Variants in ASTN2 observed in about 807,000 individuals in gnomAD.
ASTN2 encodes the protein astrotactin 2, also known as astrotactin-2.
Under a neutral mutation model 139.8 loss-of-function variants are expected in ASTN2, and 54 were observed. The observed-to-expected ratio is 0.39, with a 90% CI of 0.31 to 0.48. ASTN2 has a LOEUF of 0.48. Among genes scored for constraint, ASTN2 ranks in the 20% least tolerant of loss-of-function variants. The pLI, the probability that ASTN2 is intolerant of heterozygous loss-of-function variation, is 0.95. For synonymous variants in ASTN2, 756 were observed against 719.5 expected (o/e 1.05, Z -0.81); for missense variants, 1,565 against 1,725.1 (o/e 0.91, Z 1.64).
chr9:116,508,345 T>C (rs1257448574), intron 19 of ASTN2, among the ~76,000 whole-genome samples: 3 of 152,294 alleles, frequency 2.0e-5, no homozygotes, highest in South Asian at 2.1e-4. Context: ...AAGGTCAACA[T>C]TGTCATCACC....
Position 116,775,507 on chromosome 9 carries a change from GAGGA to G in ASTN2, c.2396+30121_2396+30124del, listed in dbSNP as rs569563039. Among the ~76,000 whole-genome samples the G allele has an allele frequency of 1.3e-3, 151 of 115,736 alleles. 1 individual carries two copies. The highest frequency in any genetic ancestry group is 2.9e-3 in the African/African-American group (88 of 29,858). The allele number at this position is 115,736 out of a possible 152,430, so 75.9% of individuals were successfully genotyped here. A position where few individuals can be genotyped will look rare whatever the true frequency, so the allele number is the denominator to read the frequency against. On this transcript the variant is annotated intron_variant, in intron 13 of 22. Transcript: ENST00000313400. ...GAAGGGAGGGAAGAAGGGAGGAAAA[GAGGA>G]AGGAAGGAAGGAAAAGAAAGGGGGC...
chr9:117,234,011 C>A (rs1040483218), intron 2 of ASTN2, among the ~76,000 whole-genome samples: 2 of 152,188 alleles, frequency 1.3e-5, no homozygotes, highest in South Asian at 4.1e-4. Flanking sequence ...TCTATTTAGA[C>A]CAATGACTCC....
chr9:116,650,529 C>A (rs957674919), intron 17 of ASTN2, among the ~76,000 whole-genome samples: 9 of 152,062 alleles, frequency 5.9e-5, no homozygotes, highest in Non-Finnish European at 1.0e-4. Context: ...TATGAAATTG[C>A]CATTTTATAA....
chr9:116,798,793 G>A (rs887092942), intron 13 of ASTN2, among the ~76,000 whole-genome samples: 2 of 152,198 alleles, frequency 1.3e-5, no homozygotes, highest in Non-Finnish European at 2.9e-5. Flanking sequence ...TCTTCTGTCA[G>A]TCCAGATTTC....
At chr9:116,875,819 G>C (rs1326130869) in intron 10 of ASTN2, among the ~76,000 whole-genome samples, 1 of 152,334 alleles carries the variant, frequency 6.6e-6, no homozygotes, top group South Asian at 2.1e-4. Context: ...AAGCCTGAAT[G>C]ACAGCACATC....
At chr9:116,709,332 CAGAGTGA>C (rs1481546006) in intron 16 of ASTN2, among the ~76,000 whole-genome samples, 2 of 152,200 alleles carry the variant, frequency 1.3e-5, no homozygotes, top group Non-Finnish European at 2.9e-5. Context: ...TTGCAATCAA[CAGAGTGA>C]AGAGTAAAGG....
chr9:116,445,358 T>C (rs992378114), intron 20 of ASTN2, among the ~76,000 whole-genome samples: 1 of 152,206 alleles, frequency 6.6e-6, no homozygotes, highest in African/African-American at 2.4e-5. Flanking sequence ...TTTTAAAAAA[T>C]GCTTTCTTGG....
At chr9:116,686,355 G>A (rs1564205728) in intron 16 of ASTN2, among the ~76,000 whole-genome samples, 1 of 152,302 alleles carries the variant, frequency 6.6e-6, no homozygotes, top group South Asian at 2.1e-4. Flanking sequence ...GCTGTAGCCA[G>A]ACAGCAAGTG....
At chr9:116,996,490 T>C (rs1837020131) in intron 7 of ASTN2, among the ~76,000 whole-genome samples, 1 of 152,042 alleles carries the variant, frequency 6.6e-6, no homozygotes. Flanking sequence ...CATAATGCAT[T>C]GGGGAAATAA....
rs1052718957 is a variant in ASTN2, at chr9:117,134,193, C to T, written c.1168+7133G>A. Among the ~76,000 whole-genome samples, 10 of 149,908 alleles carry T rather than the reference C, an allele frequency of 6.7e-5. No homozygotes were observed. In the Admixed American group the frequency reaches 6.7e-4, roughly 10 times the overall value. ...GCAGAGCAACGACCCATTAAGGCAACTAATTTAAAGTCGCTAATGTTTCTA... is the reference window on the plus strand; with the variant it reads ...GCAGAGCAACGACCCATTAAGGCAATTAATTTAAAGTCGCTAATGTTTCTA... On this transcript the variant is annotated intron_variant, in intron 4 of 22. Transcript: ENST00000313400.
intron 1 of ASTN2, among the ~76,000 whole-genome samples, chr9:117,346,905 T>A (rs189790082): frequency 3.3e-5 from 5 of 152,300 alleles, no homozygotes; most frequent in Admixed American, 2.6e-4. Flanking sequence ...AAGATTAAAC[T>A]GGAATACACA....
chr9:116,561,721 T>C (rs1221494824), intron 19 of ASTN2, among the ~76,000 whole-genome samples: 1 of 152,178 alleles, frequency 6.6e-6, no homozygotes, highest in African/African-American at 2.4e-5. Flanking sequence ...GCTGCATCTA[T>C]TACATACCAC....
intron 19 of ASTN2, among the ~76,000 whole-genome samples, chr9:116,553,805 T>C (rs1852465897): frequency 6.6e-6 from 1 of 152,178 alleles, no homozygotes; most frequent in Non-Finnish European, 1.5e-5. Context: ...AAAGTCAAAT[T>C]TGGGGTGAAC....
chr9:116,905,940 C>CT (rs1394579922), intron 10 of ASTN2, among the ~76,000 whole-genome samples: 4 of 150,908 alleles, frequency 2.7e-5, no homozygotes, highest in Admixed American at 2.6e-4. Flanking sequence ...GTGGAAAATG[C>CT]TTTCTCTGTC....
intron 17 of ASTN2, among the ~76,000 whole-genome samples, chr9:116,642,051 A>G (rs1405724641): frequency 6.9e-6 from 1 of 144,576 alleles, no homozygotes; most frequent in African/African-American, 2.6e-5. Context: ...TGACATATGA[A>G]CCAGTTTGGG....
At chr9:116,460,599 C>T (rs1383596726) in intron 20 of ASTN2, among the ~76,000 whole-genome samples, 1 of 152,064 alleles carries the variant, frequency 6.6e-6, no homozygotes, top group Non-Finnish European at 1.5e-5. Context: ...AAATATGGAA[C>T]CTTCAGTGAA....
chr9:117,392,985 T>C (rs1420287878), intron 1 of ASTN2, among the ~76,000 whole-genome samples: 2 of 152,218 alleles, frequency 1.3e-5, no homozygotes, highest in Non-Finnish European at 2.9e-5. Context: ...GTGGTCATGG[T>C]GGCCTCTAAG....
chr9:116,903,129 A>T (rs1380221339), intron 10 of ASTN2, among the ~76,000 whole-genome samples: 18 of 151,988 alleles, frequency 1.2e-4, no homozygotes, highest in Admixed American at 9.8e-4. Context: ...TATTTGCCCA[A>T]ATACTGTATT....
chr9:116,903,264 C>G (rs140721939), intron 10 of ASTN2, among the ~76,000 whole-genome samples: 74 of 152,324 alleles, frequency 4.9e-4, no homozygotes, highest in Middle Eastern at 3.4e-3. Context: ...CTCGAATCTA[C>G]TGTATAATTT....
Sources: allele counts gnomAD v4.1 joint callset (sites outside exome capture counted in the v4.1 genomes callset), GRCh38; gene constraint gnomAD v4.1.1; transcripts MANE v1.5; gene names NCBI Gene and HGNC (gene_info 2026-07-23, HGNC 2026-07-21).